The following ZFP69B variants were observed in gnomAD, a reference collection of about 807,000 sequenced individuals.
ZFP69B encodes the protein zinc finger protein 69 homolog B.
A neutral mutation model predicts 19.7 loss-of-function variants in ZFP69B; 20 were observed. The ratio of observed to expected loss-of-function variants is 1.02; its 90% CI spans 0.71 to 1.48. The LOEUF is 1.48. Ranked by LOEUF, ZFP69B falls within the 40% of genes most tolerant of loss-of-function variation. The probability of loss-of-function intolerance (pLI) is 0.00; values close to 1 mark genes in which losing one functional copy is unlikely to be tolerated. For synonymous variants in ZFP69B, 220 were observed against 222.7 expected, an observed-to-expected ratio of 0.99 and a Z score of 0.11; for missense variants, 583 against 632.6, an observed-to-expected ratio of 0.92 and a Z score of 0.84.
intron 4 of ZFP69B, among the ~76,000 whole-genome samples, chr1:40,461,450 TAAAG>T (rs969435475): frequency 3.3e-5 from 5 of 151,984 alleles, no homozygotes; most frequent in Admixed American, 2.0e-4. Context: ...TTTTTGGAAA[TAAAG>T]AAAATTTTGT....
At position 40,454,241 on chromosome 1, in the gene ZFP69B, A is replaced by G. The variant is rs1046580418; in HGVS notation, c.166A>G (p.Ser56Gly). ...GGATGCTGATGAGACCCAGGGCGAAAGTTTAGAGAGTAGAGTGACCCTTGG... is the reference window on the plus strand; with the variant it reads ...GGATGCTGATGAGACCCAGGGCGAAGGTTTAGAGAGTAGAGTGACCCTTGG... ...SQDADETQGE[S>G]LESRVTLGSL... Residue 56 changes from serine (S) to glycine (G), a missense_variant, in exon 2 of 5, where the codon AGT becomes GGT. Transcript: ENST00000361584. The G allele has an allele frequency of 1.2e-6, 2 of 1,605,046 alleles. No homozygotes were observed. The highest frequency in any genetic ancestry group is 2.2e-5 in the East Asian group (1 of 44,692).
In ZFP69B at chr1:40,454,293, G is replaced by T. The variant is rs1645213049; in HGVS notation, c.213+5G>T. 6.4e-7 allele frequency: 1 copy of T among 1,564,254 alleles called. No individual in the cohort carries two copies. The highest frequency in any genetic ancestry group is 8.7e-7 in the Non-Finnish European group (1 of 1,152,860). On this transcript the variant is annotated splice_donor_5th_base_variant and intron_variant, in intron 2 of 4. Coordinates refer to ENST00000361584, the MANE Select transcript of ZFP69B (RefSeq NM_023070.3). ...TCCCTGACAGCAGAATCCCAGGTGG[G>T]TTGGAGTTTCTGGTCACTTTCTTGA...
chr1:40,463,619 G>A lies in ZFP69B; in HGVS notation c.*30G>A. 6.6e-7 allele frequency: 1 copy of A among 1,522,902 alleles called. No individual in the cohort carries two copies. Among genetic ancestry groups the A allele is most frequent in the African/African-American group, 1.4e-5 (1 of 72,144 alleles). The allele number at this position is 1,522,902 out of a possible 1,614,324, so 94.3% of individuals were successfully genotyped here. A position where few individuals can be genotyped will look rare whatever the true frequency, so the allele number is the denominator to read the frequency against. Reference sequence around the variant, plus strand: ...TACTAAACATCAAAGAATCTATGTTGGAGCACAAGATTCTAAATCAGTGGT... The same window carrying A: ...TACTAAACATCAAAGAATCTATGTTAGAGCACAAGATTCTAAATCAGTGGT... On this transcript the variant is annotated 3_prime_UTR_variant, in exon 5 of 5. Transcript: ENST00000361584.
At chr1:40,455,952 C>T (rs531637132) in intron 2 of ZFP69B, among the ~76,000 whole-genome samples, 7 of 152,312 alleles carry the variant, frequency 4.6e-5, no homozygotes, top group Admixed American at 4.6e-4. Context: ...CTTTTTATGG[C>T]TGCATAGTAT....
chr1:40,454,352 T>C, intron 2 of ZFP69B, 64 bp downstream of exon 2: 1 of 1,208,968 alleles, frequency 8.3e-7, no homozygotes. Flanking sequence ...CGCAGGAGTT[T>C]GATTTTCTTT....
In ZFP69B at chr1:40,462,885, C is replaced by A; in HGVS notation, c.901C>A (p.His301Asn). The A allele has an allele frequency of 6.2e-7, 1 of 1,614,120 alleles. No individual in the cohort carries two copies. Among genetic ancestry groups the A allele is most frequent in the Non-Finnish European group, 8.5e-7 (1 of 1,180,022 alleles). ...LIHLTEHMRI[H>N]TGEKPFRCKE... is the part of the protein sequence containing the mutation. ...TCACCTTACTGAACACATGAGAATTCATACCGGGGAGAAACCTTTCAGATG... is the reference window on the plus strand; with the variant it reads ...TCACCTTACTGAACACATGAGAATTAATACCGGGGAGAAACCTTTCAGATG... Residue 301 changes from histidine to asparagine, a missense_variant, in exon 5 of 5, where the codon CAT (histidine) becomes AAT (asparagine). Transcript: ENST00000361584.
At chr1:40,454,506 C>T (rs949179773) in intron 2 of ZFP69B, among the ~76,000 whole-genome samples, 1 of 152,140 alleles carries the variant, frequency 6.6e-6, no homozygotes, top group African/African-American at 2.4e-5. Flanking sequence ...TCACGCCATT[C>T]TCCTGCCTCA....
At chr1:40,458,762 T>C (rs1645257063) in intron 4 of ZFP69B, among the ~76,000 whole-genome samples, 1 of 152,128 alleles carries the variant, frequency 6.6e-6, no homozygotes, top group South Asian at 2.1e-4. Context: ...TCAAGTGATC[T>C]GCCTACCTTG....
At chr1:40,459,171 T>A (rs750207931) in intron 4 of ZFP69B, among the ~76,000 whole-genome samples, 10 of 152,244 alleles carry the variant, frequency 6.6e-5, no homozygotes, top group Non-Finnish European at 1.0e-4. Context: ...CCACAATTTC[T>A]GAGGAACCTC....
Position 40,463,342 on chromosome 1 carries a change from G to A in ZFP69B, c.1358G>A (p.Gly453Glu). The change falls in exon 5 of 5, where the codon GGG becomes GAG. Residue 453 changes from glycine (G) to glutamate (E), a missense_variant. Coordinates refer to ENST00000361584, the MANE Select transcript of ZFP69B (RefSeq NM_023070.3). ...GERPYKCKEC[G>E]KAFSQRIHLS... The stretch of plus-strand genomic sequence containing the variant: ...AGACCATATAAATGTAAGGAATGTG[G>A]GAAAGCCTTTAGCCAGAGAATACAT... The A allele has an allele frequency of 6.2e-7, 1 of 1,614,132 alleles. No individual in the cohort carries two copies. Among genetic ancestry groups the A allele is most frequent in the Non-Finnish European group, 8.5e-7 (1 of 1,180,032 alleles).
At chr1:40,462,002 C>A (rs1261277778) in intron 4 of ZFP69B, among the ~76,000 whole-genome samples, 1 of 152,078 alleles carries the variant, frequency 6.6e-6, no homozygotes, top group African/African-American at 2.4e-5. Context: ...GTGAAGTGAT[C>A]CTCCCAACTC....
intron 4 of ZFP69B, among the ~76,000 whole-genome samples, chr1:40,460,126 A>T (rs1645268133): frequency 6.6e-6 from 1 of 152,208 alleles, no homozygotes; most frequent in African/African-American, 2.4e-5. Context: ...AGGGAAAGGC[A>T]CCCATATTTG....
rs545223830 is a variant in ZFP69B, at chr1:40,458,565, G to A, written c.436+1126G>A. Among the ~76,000 whole-genome samples the A allele has an allele frequency of 2.0e-5, 3 of 150,368 alleles. No homozygotes were observed. The East Asian group carries it at 5.8e-4, about 29-fold the overall frequency. The stretch of plus-strand genomic sequence containing the variant: ...AGAGTCTTGCTGTGTCACCCAGGCT[G>A]GAGTGCCGTGGTGCAGTCTCGGCTT... On this transcript the variant is annotated intron_variant, in intron 4 of 4. Transcript: ENST00000361584.
intron 2 of ZFP69B, among the ~76,000 whole-genome samples, chr1:40,456,501 C>T (rs767577255): frequency 2.6e-5 from 4 of 152,178 alleles, no homozygotes; most frequent in Non-Finnish European, 5.9e-5. Context: ...ATGTGCTGTT[C>T]TCTCATACTT....
intron 2 of ZFP69B, among the ~76,000 whole-genome samples, chr1:40,455,566 C>T (rs12568089): frequency 0.086 from 13,021 of 152,122 alleles, 736 homozygotes; most frequent in East Asian, 0.21. Flanking sequence ...TCTGAATTCT[C>T]TTAGCTTTTG....
intron 4 of ZFP69B, among the ~76,000 whole-genome samples, chr1:40,458,277 C>A (rs1202833226): frequency 6.6e-6 from 1 of 152,136 alleles, no homozygotes; most frequent in Non-Finnish European, 1.5e-5. Context: ...ACCTTAATAT[C>A]CTTTCCTCTA....
chr1:40,456,069 G>A (rs771682896), intron 2 of ZFP69B, among the ~76,000 whole-genome samples: 36 of 152,110 alleles, frequency 2.4e-4, no homozygotes, highest in Non-Finnish European at 4.3e-4. Flanking sequence ...GTAAACATAC[G>A]TGTGCCTGTG....
In ZFP69B at chr1:40,463,707, G is replaced by A; in HGVS notation, c.*118G>A. 2 of 916,418 alleles carry A rather than the reference G, an allele frequency of 2.2e-6. No individual in the cohort carries two copies. Among genetic ancestry groups the A allele is most frequent in the East Asian group, 2.7e-5 (1 of 37,038 alleles). 56.8% of individuals were successfully genotyped at this position (916,418 alleles called of 1,614,324 possible). On this transcript the variant is annotated 3_prime_UTR_variant, in exon 5 of 5. Transcript: ENST00000361584. ...CCAAAAACGAACATTAAAAAAAAAT[G>A]GTTTGGCACAATGTTCCCAACTCTT...
At chr1:40,455,606 G>C (rs2124416738) in intron 2 of ZFP69B, among the ~76,000 whole-genome samples, 1 of 152,136 alleles carries the variant, frequency 6.6e-6, no homozygotes, top group African/African-American at 2.4e-5. Context: ...TTTTTTGTTT[G>C]TTTGTTTGTT....
Sources: gnomAD v4.1 joint callset for allele counts (sites outside exome capture counted in the v4.1 genomes callset) on GRCh38, gnomAD v4.1.1 for gene constraint, MANE v1.5 for transcripts, NCBI Gene and HGNC (gene_info 2026-07-23, HGNC 2026-07-21) for gene names.